CCDC88C: variants seen among roughly 807,000 people sequenced by gnomAD.
CCDC88C encodes the protein protein Daple.
A neutral mutation model predicts 198.8 loss-of-function variants in CCDC88C; 131 were observed. The ratio of observed to expected loss-of-function variants is 0.66; its 90% CI spans 0.57 to 0.76. The LOEUF is 0.76. Ranked by LOEUF, CCDC88C falls within the 30% of genes least tolerant of loss-of-function variation. The pLI is 0.00. For synonymous variants in CCDC88C, 1,166 were observed against 1,114.7 expected (o/e 1.05, Z -0.92); for missense variants, 2,553 against 2,631.6 (o/e 0.97, Z 0.65).
rs556741510 is a variant in CCDC88C, at chr14:91,298,285, G to T, written c.3780-794C>A. Among the ~76,000 whole-genome samples the T allele has an allele frequency of 1.9e-4, 29 of 152,096 alleles. No homozygotes were observed. The South Asian group carries it at 5.6e-3, about 29-fold the overall frequency. On this transcript the variant is annotated intron_variant, in intron 21 of 29. Coordinates refer to ENST00000389857, the MANE Select transcript of CCDC88C (RefSeq NM_001080414.4). ...CCATCTCTGCAAAAAGTAGAAAAAAGTTGCCGGGAACCCGGGAGGCGGAGC... is the reference window on the plus strand; with the variant it reads ...CCATCTCTGCAAAAAGTAGAAAAAATTTGCCGGGAACCCGGGAGGCGGAGC...
At chr14:91,286,594 T>C (rs542132928) in intron 25 of CCDC88C, among the ~76,000 whole-genome samples, 3 of 152,228 alleles carry the variant, frequency 2.0e-5, no homozygotes, top group Non-Finnish European at 2.9e-5. Context: ...TTAAAGTTGA[T>C]ACCAGGATTT....
At position 91,308,330 on chromosome 14, in the gene CCDC88C, CAG is replaced by C. The variant is rs1485447928; in HGVS notation, c.3006+19_3006+20del. 6.2e-7 allele frequency: 1 copy of C among 1,612,750 alleles called. No individual in the cohort carries two copies. Among genetic ancestry groups the C allele is most frequent in the Non-Finnish European group, 8.5e-7 (1 of 1,178,978 alleles). On this transcript the variant is annotated intron_variant, in intron 17 of 29. Coordinates refer to ENST00000389857, the MANE Select transcript of CCDC88C (RefSeq NM_001080414.4). Reference sequence around the variant, plus strand: ...GCTGAGAATGGGCAGCTGGGCCCCACAGTGCAACCTCCACACTCACCATCTGC... The same window carrying C: ...GCTGAGAATGGGCAGCTGGGCCCCACTGCAACCTCCACACTCACCATCTGC...
intron 20 of CCDC88C, among the ~76,000 whole-genome samples, chr14:91,303,171 G>T (rs1891381690): frequency 1.3e-5 from 2 of 151,616 alleles, no homozygotes; most frequent in Non-Finnish European, 2.9e-5. Context: ...CTGGCCTCAG[G>T]CCCCGCTGCA....
intron 1 of CCDC88C, 180 bp from the exon 2 acceptor site, chr14:91,417,018 C>T (rs1887097608): frequency 2.9e-6 from 2 of 690,724 alleles, no homozygotes; most frequent in Non-Finnish European, 2.6e-6. Context: ...CTCCCCTCCC[C>T]GCGCGGGGCA....
At chr14:91,396,376 C>T (rs1161778933) in intron 3 of CCDC88C, among the ~76,000 whole-genome samples, 1 of 152,154 alleles carries the variant, frequency 6.6e-6, no homozygotes, top group Non-Finnish European at 1.5e-5. Context: ...CTTTCTGTCA[C>T]AAAAGGAACT....
chr14:91,408,784 G>C lies in CCDC88C; in HGVS notation c.162-17C>G. On this transcript the variant is annotated splice_polypyrimidine_tract_variant and intron_variant, in intron 2 of 29. Coordinates refer to ENST00000389857, the MANE Select transcript of CCDC88C (RefSeq NM_001080414.4). ...CTGGGATCTCTAGGGGAAGAAACAC[G>C]AGAATGGAAATTGCATCTCCCAGCA... 3 of 1,561,702 alleles carry C rather than the reference G, an allele frequency of 1.9e-6. No homozygotes were observed. The highest frequency in any genetic ancestry group is 2.6e-6 in the Non-Finnish European group (3 of 1,132,884).
At chr14:91,390,360 G>A (rs1197112421) in intron 3 of CCDC88C, among the ~76,000 whole-genome samples, 1 of 152,304 alleles carries the variant, frequency 6.6e-6, no homozygotes, top group Admixed American at 6.5e-5. Flanking sequence ...TCTCCACCTC[G>A]TTATCAGACT....
intron 3 of CCDC88C, among the ~76,000 whole-genome samples, chr14:91,401,374 G>T (rs995875134): frequency 7.4e-6 from 1 of 135,656 alleles, no homozygotes; most frequent in Non-Finnish European, 1.6e-5. Flanking sequence ...TTACTCTGTC[G>T]CGCAGGCTGG....
At chr14:91,285,500 T>A in intron 25 of CCDC88C, 1 of 519,940 alleles carries the variant, frequency 1.9e-6, no homozygotes, top group Non-Finnish European at 3.3e-6. Flanking sequence ...ACAACTCATC[T>A]TCTATTTTGA....
chr14:91,382,570 T>C (rs912779177), intron 3 of CCDC88C, among the ~76,000 whole-genome samples: 1 of 152,196 alleles, frequency 6.6e-6, no homozygotes, highest in African/African-American at 2.4e-5. Flanking sequence ...ACAGACACCA[T>C]CTAGCAGGTG....
intron 2 of CCDC88C, among the ~76,000 whole-genome samples, chr14:91,415,547 C>A (rs1018372066): frequency 6.6e-6 from 1 of 151,996 alleles, no homozygotes; most frequent in African/African-American, 2.4e-5. Flanking sequence ...ATGGAGAAAC[C>A]CCATTTCTAC....
At chr14:91,399,883 C>T (rs554159943) in intron 3 of CCDC88C, among the ~76,000 whole-genome samples, 2 of 150,852 alleles carry the variant, frequency 1.3e-5, no homozygotes, top group Non-Finnish European at 2.9e-5. Flanking sequence ...TAGTTGAGAT[C>T]CCTAAGCACC....
At chr14:91,405,386 GT>G (rs1183162528) in intron 3 of CCDC88C, among the ~76,000 whole-genome samples, 1 of 152,200 alleles carries the variant, frequency 6.6e-6, no homozygotes, top group African/African-American at 2.4e-5. Context: ...CAGCACCCCA[GT>G]CAGAGTAAGG....
chr14:91,344,191 G>GT (rs528063016), intron 4 of CCDC88C, among the ~76,000 whole-genome samples: 32 of 152,198 alleles, frequency 2.1e-4, no homozygotes, highest in African/African-American at 7.5e-4. Flanking sequence ...CAAATATGTC[G>GT]TAAGTATCTC....
rs1460073198 is a variant in CCDC88C at position 91,272,062 on chromosome 14, TG to T, written c.*562del. ...GGGTCCTGGGGTAAAGGGAAGTGCT[TG>T]GGACCCCAGGAATGGAACAGCAGCA... is the stretch of plus-strand genomic sequence containing the variant. On this transcript the variant is annotated 3_prime_UTR_variant, in exon 30 of 30. Coordinates refer to ENST00000389857, the MANE Select transcript of CCDC88C (RefSeq NM_001080414.4). 4 of 152,904 alleles carry T rather than the reference TG, an allele frequency of 2.6e-5. No homozygotes were observed. Among genetic ancestry groups the T allele is most frequent in the African/African-American group, 9.6e-5 (4 of 41,462 alleles). 9.5% of individuals were successfully genotyped at this position (152,904 alleles called of 1,614,324 possible). A position where few individuals can be genotyped will look rare whatever the true frequency, so the allele number is the denominator to read the frequency against.
At chr14:91,334,814 A>G (rs956903923) in intron 10 of CCDC88C, among the ~76,000 whole-genome samples, 5 of 152,158 alleles carry the variant, frequency 3.3e-5, no homozygotes, top group Non-Finnish European at 7.4e-5. Context: ...ACCGGGGGCA[A>G]GGGTTCACCT....
At chr14:91,354,305 T>C (rs995938529) in intron 4 of CCDC88C, among the ~76,000 whole-genome samples, 1 of 152,232 alleles carries the variant, frequency 6.6e-6, no homozygotes, top group African/African-American at 2.4e-5. Flanking sequence ...TCTTTTCTTG[T>C]GCGTGTGGCA....
intron 3 of CCDC88C, among the ~76,000 whole-genome samples, chr14:91,388,375 T>C (rs1885278291): frequency 6.6e-6 from 1 of 152,168 alleles, no homozygotes; most frequent in African/African-American, 2.4e-5. Context: ...CTAGGCTGCC[T>C]CGGCCCAGCT....
At position 91,324,760 on chromosome 14, in the gene CCDC88C, G is replaced by C; in HGVS notation, c.1342+19C>G. On this transcript the variant is annotated intron_variant, in intron 12 of 29. Transcript: ENST00000389857. ...GCGGCCACGGCCAGGCTGGCTCCCC[G>C]GCACCAGGCGCTACCTACCGTCTGA... is the stretch of plus-strand genomic sequence containing the variant. 6.2e-7 allele frequency: 1 copy of C among 1,607,088 alleles called. No homozygotes were observed. Among genetic ancestry groups the C allele is most frequent in the Non-Finnish European group, 8.5e-7 (1 of 1,179,394 alleles).
Sources: allele counts gnomAD v4.1 joint callset (sites outside exome capture counted in the v4.1 genomes callset), GRCh38; gene constraint gnomAD v4.1.1; transcripts MANE v1.5; gene names NCBI Gene and HGNC (gene_info 2026-07-23, HGNC 2026-07-21).